MAN1A2: variants seen among roughly 807,000 people sequenced by gnomAD.
MAN1A2 encodes the protein mannosidase alpha class 1A member 2, also known as mannosyl-oligosaccharide 1,2-alpha-mannosidase IB.
Under a neutral mutation model 75.7 loss-of-function variants are expected in MAN1A2, and 26 were observed. That is an observed-to-expected ratio of 0.34 (90% confidence interval 0.25 to 0.48). The LOEUF (loss-of-function observed/expected upper bound fraction) is 0.48. Ranked by LOEUF, MAN1A2 falls within the 20% of genes least tolerant of loss-of-function variation. The pLI is 0.99. For missense variants in MAN1A2, 562 were observed against 775.5 expected (o/e 0.72, Z 3.27); for synonymous variants, 247 against 264.6 (o/e 0.93, Z 0.65).
At chr1:117,497,598 T>G (rs977569439) in intron 10 of MAN1A2, among the ~76,000 whole-genome samples, 1 of 151,908 alleles carries the variant, frequency 6.6e-6, no homozygotes, top group Non-Finnish European at 1.5e-5. Flanking sequence ...CTGAGAAAAT[T>G]TTTACTCTTT....
At chr1:117,384,986 A>T (rs1653477609) in intron 1 of MAN1A2, among the ~76,000 whole-genome samples, 1 of 152,122 alleles carries the variant, frequency 6.6e-6, no homozygotes, top group South Asian at 2.1e-4. Context: ...GTGGATTTGG[A>T]ATTGAAAATT....
At chr1:117,388,250 A>G (rs1380164196) in intron 1 of MAN1A2, among the ~76,000 whole-genome samples, 1 of 152,154 alleles carries the variant, frequency 6.6e-6, no homozygotes, top group Middle Eastern at 3.2e-3. Context: ...ATGGGATGGC[A>G]GAGATTTGAG....
chr1:117,446,129 C>T (rs897319046), intron 6 of MAN1A2, among the ~76,000 whole-genome samples: 2 of 151,410 alleles, frequency 1.3e-5, no homozygotes, highest in African/African-American at 4.8e-5. Flanking sequence ...GATTCTATAG[C>T]AACAACCACT....
chr1:117,498,646 C>A (rs1471692167), intron 10 of MAN1A2, among the ~76,000 whole-genome samples: 1 of 151,852 alleles, frequency 6.6e-6, no homozygotes, highest in Non-Finnish European at 1.5e-5. Flanking sequence ...CCATGACCCT[C>A]TTTGTTATGG....
chr1:117,476,138 T>G (rs191867152), intron 8 of MAN1A2, among the ~76,000 whole-genome samples: 1 of 152,352 alleles, frequency 6.6e-6, no homozygotes, highest in East Asian at 1.9e-4. Context: ...TTTTTTCATA[T>G]GTTCGTTGGC....
At chr1:117,405,401 A>G (rs1351847989) in intron 2 of MAN1A2, 148 bp from the exon 3 acceptor site, 1 of 621,988 alleles carries the variant, frequency 1.6e-6, no homozygotes, top group Non-Finnish European at 2.9e-6. Context: ...GTATGTTTTC[A>G]TACTGATACA....
chr1:117,393,473 A>G (rs1485395560), intron 1 of MAN1A2, among the ~76,000 whole-genome samples: 1 of 149,842 alleles, frequency 6.7e-6, no homozygotes, highest in Non-Finnish European at 1.5e-5. Flanking sequence ...AACTGCTTCA[A>G]CTATTTTTTT....
At chr1:117,460,636 T>C in intron 7 of MAN1A2, 24 bp downstream of exon 7, 1 of 1,588,588 alleles carries the variant, frequency 6.3e-7, no homozygotes, top group Non-Finnish European at 8.5e-7. Context: ...CCTTCTATTC[T>C]TTGTTTGTTA....
At chr1:117,405,745 G>C in intron 3 of MAN1A2, 100 bp downstream of exon 3, 1 of 770,136 alleles carries the variant, frequency 1.3e-6, no homozygotes. Flanking sequence ...GAGTATTTCT[G>C]TGGAACTATA....
chr1:117,368,276 G>T lies in MAN1A2; in HGVS notation c.93G>T (p.Leu31Phe), dbSNP rs1489265871. ...PPSFPHHRAT[L>F]RLSEKFILLL... is the part of the protein sequence containing the mutation. ...CCTTCCCACATCACAGGGCTACCTT[G>T]AGACTTTCTGAGAAGTTTATTCTTC... The change falls in exon 1 of 13, where the codon TTG becomes TTT. Residue 31 changes from leucine (L) to phenylalanine (F), a missense_variant. By Grantham distance (22) the Leu-to-Phe change is conservative. Coordinates refer to ENST00000356554, the MANE Select transcript of MAN1A2 (RefSeq NM_006699.5). 6.2e-7 allele frequency: 1 copy of T among 1,614,190 alleles called. No individual in the cohort carries two copies. The highest frequency in any genetic ancestry group is 8.5e-7 in the Non-Finnish European group (1 of 1,180,032).
At chr1:117,439,214 C>T (rs547292721) in intron 5 of MAN1A2, among the ~76,000 whole-genome samples, 1 of 152,180 alleles carries the variant, frequency 6.6e-6, no homozygotes, top group South Asian at 2.1e-4. Context: ...GGGGGTGAAG[C>T]CATAGAAGGT....
Position 117,528,024 on chromosome 1 carries a change from A to T in MAN1A2, c.*5067A>T, listed in dbSNP as rs1006586762. 1.3e-5 allele frequency: 2 copies of T among 152,076 alleles called. No homozygotes were observed. Among genetic ancestry groups the T allele is most frequent in the African/African-American group, 4.8e-5 (2 of 41,436 alleles). The allele number at this position is 152,076 out of a possible 1,614,324, so 9.4% of individuals were successfully genotyped here. On this transcript the variant is annotated 3_prime_UTR_variant, in exon 13 of 13. Coordinates refer to ENST00000356554, the MANE Select transcript of MAN1A2 (RefSeq NM_006699.5). ...CAAAAGGAGAATCCCTTTCTCTTGCATAACTCTCAATCCTTTACAAGTAAG... is the reference window on the plus strand; with the variant it reads ...CAAAAGGAGAATCCCTTTCTCTTGCTTAACTCTCAATCCTTTACAAGTAAG...
chr1:117,431,210 A>G (rs1018982216), intron 5 of MAN1A2, among the ~76,000 whole-genome samples: 7 of 2,438 alleles, frequency 2.9e-3, no homozygotes, highest in African/African-American at 4.2e-3. Context: ...GGGGAGGGGG[A>G]GGGGGAGGGG....
chr1:117,415,554 A>G (rs1188116548), intron 4 of MAN1A2, among the ~76,000 whole-genome samples: 1 of 152,182 alleles, frequency 6.6e-6, no homozygotes, highest in African/African-American at 2.4e-5. Flanking sequence ...ATATTACTGT[A>G]GAATTTGGAC....
In MAN1A2 at chr1:117,469,316, A is replaced by G. The variant is rs1240800075; in HGVS notation, c.1168+2889A>G. Among the ~76,000 whole-genome samples the G allele has an allele frequency of 2.0e-5, 3 of 152,286 alleles. No individual in the cohort carries two copies. In the East Asian group the frequency reaches 5.8e-4, roughly 29 times the overall value. ...ATCTACAAAAATTAACTCAAAACAG[A>G]TCAAAGACTCTAAATTTGAGAACCA... On this transcript the variant is annotated intron_variant, in intron 8 of 12. Coordinates refer to ENST00000356554, the MANE Select transcript of MAN1A2 (RefSeq NM_006699.5).
intron 12 of MAN1A2, among the ~76,000 whole-genome samples, chr1:117,509,673 G>A (rs533291782): frequency 1.3e-5 from 2 of 151,998 alleles, no homozygotes; most frequent in Non-Finnish European, 2.9e-5. Context: ...CATAGCACTT[G>A]TCATATTAAA....
chr1:117,401,420 T>C (rs1031446250), intron 1 of MAN1A2, among the ~76,000 whole-genome samples: 3 of 152,154 alleles, frequency 2.0e-5, no homozygotes, highest in Non-Finnish European at 4.4e-5. Context: ...GTTGACTGAT[T>C]TGGAAAAGAG....
chr1:117,461,565 A>G (rs746848957), intron 7 of MAN1A2, among the ~76,000 whole-genome samples: 4 of 152,166 alleles, frequency 2.6e-5, no homozygotes, highest in South Asian at 4.1e-4. Flanking sequence ...AATGTTTCCA[A>G]CAGAAGAAAT....
At chr1:117,429,892 G>C (rs1453568405) in intron 5 of MAN1A2, among the ~76,000 whole-genome samples, 1 of 71,008 alleles carries the variant, frequency 1.4e-5, no homozygotes, top group African/African-American at 5.5e-5. Flanking sequence ...TGGGGCGGCT[G>C]GCCGGGCAGA....
Sources: allele counts gnomAD v4.1 joint callset (sites outside exome capture counted in the v4.1 genomes callset), GRCh38; gene constraint gnomAD v4.1.1; transcripts MANE v1.5; gene names NCBI Gene and HGNC (gene_info 2026-07-23, HGNC 2026-07-21).